The following ITPR2 variants were observed in gnomAD, a reference collection of about 807,000 sequenced individuals.
ITPR2 encodes the protein inositol 1,4,5-trisphosphate receptor type 2.
Under a neutral mutation model 317.1 loss-of-function variants are expected in ITPR2, and 207 were observed. The ratio of observed to expected loss-of-function variants is 0.65; its 90% CI spans 0.58 to 0.73. The LOEUF is 0.73. Among genes scored for constraint, ITPR2 ranks in the 30% least tolerant of loss-of-function variants. The pLI is 0.00. For missense variants in ITPR2, 2,613 were observed against 3,284.0 expected (o/e 0.80, Z 4.99); for synonymous variants, 1,156 against 1,149.1 (o/e 1.01, Z -0.12).
At chr12:26,755,228 T>C (rs927750076) in intron 2 of ITPR2, among the ~76,000 whole-genome samples, 6 of 152,230 alleles carry the variant, frequency 3.9e-5, no homozygotes, top group Admixed American at 2.0e-4. Flanking sequence ...AGATATTTTG[T>C]CATCCACAAA....
chr12:26,457,787 A>T (rs1307757220), intron 45 of ITPR2, among the ~76,000 whole-genome samples: 1 of 152,252 alleles, frequency 6.6e-6, no homozygotes, highest in Non-Finnish European at 1.5e-5. Context: ...GAACAGCCAC[A>T]GGCAAATCAC....
chr12:26,742,122 G>C (rs1200893720), intron 2 of ITPR2, among the ~76,000 whole-genome samples: 1 of 152,196 alleles, frequency 6.6e-6, no homozygotes, highest in East Asian at 1.9e-4. Context: ...AGATGAATGA[G>C]CCAGCAATTC....
At chr12:26,605,126 A>AAAAAAAAATAT (rs1555165395) in intron 26 of ITPR2, among the ~76,000 whole-genome samples, 2 of 136,310 alleles carry the variant, frequency 1.5e-5, no homozygotes, top group African/African-American at 2.6e-5. Flanking sequence ...AAAAAATAAA[A>AAAAAAAAATAT]ATATATATAT....
chr12:26,608,401 C>G (rs964246529), intron 26 of ITPR2, among the ~76,000 whole-genome samples: 2 of 151,900 alleles, frequency 1.3e-5, no homozygotes, highest in Non-Finnish European at 2.9e-5. Context: ...CGCCTCTCCC[C>G]GGGCCCCCCA....
At chr12:26,773,585 C>A (rs1286304289) in intron 2 of ITPR2, among the ~76,000 whole-genome samples, 1 of 152,186 alleles carries the variant, frequency 6.6e-6, no homozygotes, top group Non-Finnish European at 1.5e-5. Flanking sequence ...ACGAATCACT[C>A]AAAATTCACA....
intron 2 of ITPR2, among the ~76,000 whole-genome samples, chr12:26,742,809 T>C (rs1029999043): frequency 2.7e-5 from 4 of 149,014 alleles, no homozygotes; most frequent in African/African-American, 7.5e-5. Context: ...CAAGACTCTG[T>C]CTTGGGAAAA....
At position 26,339,481 on chromosome 12, in the gene ITPR2, C is replaced by G. The variant is rs1351040818; in HGVS notation, c.8022G>C (p.Met2674Ile). 6.2e-7 allele frequency: 1 copy of G among 1,613,300 alleles called. No homozygotes were observed. The highest frequency in any genetic ancestry group is 8.5e-7 in the Non-Finnish European group (1 of 1,179,524). The stretch of plus-strand genomic sequence containing the variant: ...TCTGCTTATTCTTCCTTTGTTCTGT[C>G]ATCTGGGGGAAAAGAGAGAGTGTGT... ...SGQLAELKEQ[M>I]TEQRKNKQRL... is the part of the protein sequence containing the mutation. Residue 2674 changes from methionine to isoleucine, a missense_variant and splice_region_variant, in exon 57 of 57, where the codon ATG (methionine) becomes ATC (isoleucine). By Grantham distance (10) the Met-to-Ile change is conservative. Around this residue, in one of 9 missense-constraint regions of ITPR2, gnomAD observed 119 missense variants for 144.3 expected, o/e 0.82. Coordinates refer to ENST00000381340, the MANE Select transcript of ITPR2 (RefSeq NM_002223.4).
At chr12:26,360,484 T>C (rs578226383) in intron 55 of ITPR2, among the ~76,000 whole-genome samples, 3 of 152,324 alleles carry the variant, frequency 2.0e-5, no homozygotes, top group Admixed American at 6.5e-5. Flanking sequence ...TTTGCCATAC[T>C]TTGTGCTTGA....
intron 52 of ITPR2, 189 bp downstream of exon 52, chr12:26,411,131 G>A (rs1259079333): frequency 4.0e-5 from 22 of 547,884 alleles, no homozygotes; most frequent in Non-Finnish European, 6.9e-5. Flanking sequence ...ACGAACAGGA[G>A]AGGGGTACAA....
At position 26,393,573 on chromosome 12, in the gene ITPR2, CTATTT is replaced by C. The variant is rs1317792701; in HGVS notation, c.7696+5298_7696+5302del. Among the ~76,000 whole-genome samples, 11 of 152,154 alleles carry C rather than the reference CTATTT, an allele frequency of 7.2e-5. 1 individual carries two copies. Among genetic ancestry groups the C allele is most frequent in the Admixed American group, 6.5e-4 (10 of 15,268 alleles). ...AATTATTCATTTTTTAAAAAAGTTT[CTATTT>C]TATTTTAAATATTCACGCTGAATTT... On this transcript the variant is annotated intron_variant, in intron 54 of 56. Transcript: ENST00000381340.
At chr12:26,612,778 A>C (rs564543580) in intron 26 of ITPR2, among the ~76,000 whole-genome samples, 1 of 152,258 alleles carries the variant, frequency 6.6e-6, no homozygotes, top group African/African-American at 2.4e-5. Flanking sequence ...AAATTTTCCA[A>C]AATAGTATGC....
At chr12:26,558,098 T>C (rs1944712951) in intron 35 of ITPR2, among the ~76,000 whole-genome samples, 1 of 152,192 alleles carries the variant, frequency 6.6e-6, no homozygotes, top group African/African-American at 2.4e-5. Flanking sequence ...CTGAGAAATG[T>C]CTGAAAACAA....
At chr12:26,538,358 G>T (rs1466254777) in intron 37 of ITPR2, among the ~76,000 whole-genome samples, 1 of 148,252 alleles carries the variant, frequency 6.7e-6, no homozygotes, top group African/African-American at 2.4e-5. Flanking sequence ...AAAAAAAAAA[G>T]ATTTGCTTAA....
intron 45 of ITPR2, among the ~76,000 whole-genome samples, chr12:26,449,678 GAAGA>G (rs1293913139): frequency 6.6e-6 from 1 of 152,122 alleles, no homozygotes; most frequent in Non-Finnish European, 1.5e-5. Context: ...TAGAAAGGAG[GAAGA>G]AAGGATGGCA....
chr12:26,388,900 C>T (rs889437043), intron 54 of ITPR2, among the ~76,000 whole-genome samples: 6 of 152,178 alleles, frequency 3.9e-5, no homozygotes, highest in African/African-American at 1.2e-4. Flanking sequence ...CCACAGTCCT[C>T]CCCTTTTATT....
At chr12:26,584,461 T>C (rs970993738) in intron 32 of ITPR2, among the ~76,000 whole-genome samples, 3 of 152,198 alleles carry the variant, frequency 2.0e-5, no homozygotes. Context: ...AATTTCTAGA[T>C]ACAATTGTGT....
intron 2 of ITPR2, among the ~76,000 whole-genome samples, chr12:26,740,194 G>C (rs992103147): frequency 2.6e-5 from 4 of 152,114 alleles, no homozygotes; most frequent in African/African-American, 9.7e-5. Context: ...GAAAAGAATA[G>C]CCTGGAATAT....
chr12:26,595,847 T>C (rs1945829151), intron 31 of ITPR2, among the ~76,000 whole-genome samples: 2 of 152,202 alleles, frequency 1.3e-5, no homozygotes, highest in South Asian at 4.1e-4. Flanking sequence ...AACAAGCCTA[T>C]CATATTTGAG....
intron 46 of ITPR2, among the ~76,000 whole-genome samples, chr12:26,440,136 G>C (rs1189945156): frequency 3.3e-5 from 5 of 152,132 alleles, no homozygotes; most frequent in African/African-American, 1.2e-4. Context: ...GGAAAGTGAG[G>C]CATAAAGAGA....
Sources: gnomAD v4.1 joint callset for allele counts (sites outside exome capture counted in the v4.1 genomes callset) on GRCh38, gnomAD v4.1.1 for gene constraint, gnomAD v4.1.1 regional missense constraint, MANE v1.5 for transcripts, NCBI Gene and HGNC (gene_info 2026-07-23, HGNC 2026-07-21) for gene names.